Variants in SPTAN1 observed in about 807,000 individuals in gnomAD.
The protein encoded by SPTAN1 is spectrin alpha chain, non-erythrocytic 1.
In SPTAN1, 61 loss-of-function variants were observed where a neutral mutation model predicts 331.3. That is an observed-to-expected ratio of 0.18 (90% confidence interval 0.15 to 0.23). SPTAN1 has a LOEUF of 0.23. Among genes scored for constraint, SPTAN1 ranks in the 10% least tolerant of loss-of-function variants. SPTAN1 has a pLI of 1.00. For synonymous variants in SPTAN1, 1,153 were observed against 1,173.9 expected (o/e 0.98, Z 0.36); for missense variants, 2,043 against 3,147.9 (o/e 0.65, Z 8.40).
At chr9:128,613,523 G>T in intron 40 of SPTAN1, 38 bp downstream of exon 40, 1 of 1,526,994 alleles carries the variant, frequency 6.5e-7, no homozygotes, top group Admixed American at 1.7e-5. Flanking sequence ...GAGTGCCTGG[G>T]ACACAGCTCT....
intron 45 of SPTAN1, among the ~76,000 whole-genome samples, chr9:128,624,031 C>T (rs1244886675): frequency 2.2e-5 from 3 of 138,890 alleles, no homozygotes; most frequent in East Asian, 2.1e-4. Flanking sequence ...TGCAGTGAGC[C>T]GAGATCACGC....
chr9:128,599,882 C>A lies in SPTAN1; in HGVS notation c.3544-198C>A. 14 of 621,382 alleles carry A rather than the reference C, an allele frequency of 2.3e-5. 1 individual carries two copies. In the South Asian group the frequency reaches 2.8e-4, roughly 12 times the overall value. The allele number at this position is 621,382 out of a possible 1,614,324, so 38.5% of individuals were successfully genotyped here. Reference sequence around the variant, plus strand: ...AAAAAAATTGGAATTTTTCTCTCCCCTGTTTGTTGGCTTAATTTTTCTTAA... The same window carrying A: ...AAAAAAATTGGAATTTTTCTCTCCCATGTTTGTTGGCTTAATTTTTCTTAA... On this transcript the variant is annotated intron_variant, in intron 26 of 56. Coordinates refer to ENST00000372739, the MANE Select transcript of SPTAN1 (RefSeq NM_001130438.3).
chr9:128,628,283 C>T (rs1049625201), intron 51 of SPTAN1: 4 of 441,270 alleles, frequency 9.1e-6, no homozygotes, highest in South Asian at 3.8e-5. Flanking sequence ...CCACCGGGCT[C>T]TGTTGGGCTC....
intron 1 of SPTAN1, among the ~76,000 whole-genome samples, chr9:128,556,587 C>G (rs1848663351): frequency 6.6e-6 from 1 of 152,168 alleles, no homozygotes; most frequent in Non-Finnish European, 1.5e-5. Flanking sequence ...CTCAATATTG[C>G]TCTGCATTTC....
intron 21 of SPTAN1, among the ~76,000 whole-genome samples, chr9:128,590,439 C>T (rs1853317812): frequency 6.6e-6 from 1 of 151,482 alleles, no homozygotes. Flanking sequence ...CATGGTGGCT[C>T]ACGCCTGTAG....
rs587784433 is a variant in SPTAN1 at position 128,583,840 on chromosome 9, G to A, written c.2064G>A (p.Glu688=). The change falls in exon 16 of 57, where the codon GAG becomes GAA. Residue 688 remains glutamate, a synonymous_variant. Coordinates refer to ENST00000372739, the MANE Select transcript of SPTAN1 (RefSeq NM_001130438.3). ...NQQQQFNRNV[E]DIELWLYEVE... ...AACAGCAATTTAATCGCAATGTTGA[G>A]GATATTGAATTGTGGCTATATGAAG... 4 of 1,614,192 alleles carry A rather than the reference G, an allele frequency of 2.5e-6. No individual in the cohort carries two copies. Among genetic ancestry groups the A allele is most frequent in the Admixed American group, 1.7e-5 (1 of 60,030 alleles).
chr9:128,585,037 CGG>C (rs1266864153), intron 18 of SPTAN1, among the ~76,000 whole-genome samples, 194 bp downstream of exon 18: 9 of 137,766 alleles, frequency 6.5e-5, no homozygotes, highest in Non-Finnish European at 1.2e-4. Flanking sequence ...TTTTTTGAGA[CGG>C]GGTCTCACTC....
In SPTAN1 at chr9:128,611,829, G is replaced by A; in HGVS notation, c.4889G>A (p.Ser1630Asn). 6.2e-7 allele frequency: 1 copy of A among 1,614,200 alleles called. No homozygotes were observed. The highest frequency in any genetic ancestry group is 8.5e-7 in the Non-Finnish European group (1 of 1,180,050). The stretch of plus-strand genomic sequence containing the variant: ...ATTGAACGTGGAGCCTGTGCCGGCA[G>A]TGAGGATGCTGTCAAGGTATGGCCC... ...SLIERGACAG[S>N]EDAVKARLAA... Residue 1630 changes from serine to asparagine, a missense_variant, in exon 38 of 57, where the codon AGT (serine) becomes AAT (asparagine). Coordinates refer to ENST00000372739, the MANE Select transcript of SPTAN1 (RefSeq NM_001130438.3).
chr9:128,613,525 C>A, intron 40 of SPTAN1, 40 bp downstream of exon 40: 1 of 1,516,554 alleles, frequency 6.6e-7, no homozygotes, highest in Non-Finnish European at 9.2e-7. Context: ...GTGCCTGGGA[C>A]ACAGCTCTGC....
chr9:128,630,475 C>T (rs58097104), intron 52 of SPTAN1, 100 bp downstream of exon 52: 2 of 1,175,152 alleles, frequency 1.7e-6, no homozygotes, highest in Non-Finnish European at 2.5e-6. Flanking sequence ...ACCAGATGTG[C>T]TATTATTGTA....
chr9:128,608,963 T>A lies in SPTAN1; in HGVS notation c.4581T>A (p.Asn1527Lys). The change falls in exon 35 of 57, where the codon AAT (asparagine) becomes AAA (lysine). Residue 1527 changes from asparagine to lysine, a missense_variant. By Grantham distance (94) the Asn-to-Lys change is moderately conservative (BLOSUM62 0). Transcript: ENST00000372739. ...AGGGAGACATTTCTAGCCGGCGCAATGAGGTCTTGGACAGGTGGGTGTCCT... is the reference window on the plus strand; with the variant it reads ...AGGGAGACATTTCTAGCCGGCGCAAAGAGGTCTTGGACAGGTGGGTGTCCT... ...YAKGDISSRR[N>K]EVLDRWRRLK... is the part of the protein sequence containing the mutation. 1 of 1,614,186 alleles carries A rather than the reference T, an allele frequency of 6.2e-7. No individual in the cohort carries two copies. Among genetic ancestry groups the A allele is most frequent in the Non-Finnish European group, 8.5e-7 (1 of 1,180,022 alleles).
intron 1 of SPTAN1, among the ~76,000 whole-genome samples, chr9:128,555,004 C>A (rs1009742329): frequency 6.6e-6 from 1 of 152,132 alleles, no homozygotes; most frequent in Non-Finnish European, 1.5e-5. Flanking sequence ...ATCATCTTGT[C>A]CTGGGATCCT....
chr9:128,578,523 CT>C (rs1428023047), intron 9 of SPTAN1, among the ~76,000 whole-genome samples: 3 of 152,114 alleles, frequency 2.0e-5, no homozygotes, highest in African/African-American at 4.8e-5. Flanking sequence ...CACATTGATC[CT>C]TTGTGATGTA....
intron 37 of SPTAN1, among the ~76,000 whole-genome samples, chr9:128,611,290 C>T (rs949373409): frequency 7.9e-5 from 12 of 152,032 alleles, no homozygotes; most frequent in Admixed American, 5.2e-4. Context: ...GGCAACATGG[C>T]GAAACCCCAT....
chr9:128,582,464 T>TA lies in SPTAN1; in HGVS notation c.1573-14dup, dbSNP rs752851473. 1 of 1,613,654 alleles carries TA rather than the reference T, an allele frequency of 6.2e-7. No individual in the cohort carries two copies. Among genetic ancestry groups the TA allele is most frequent in the Non-Finnish European group, 8.5e-7 (1 of 1,179,568 alleles). On this transcript the variant is annotated splice_polypyrimidine_tract_variant and intron_variant, in intron 12 of 56. Coordinates refer to ENST00000372739, the MANE Select transcript of SPTAN1 (RefSeq NM_001130438.3). ...AGTGTGCTTACCAATGAAGAACTCT[T>TA]ATCTTCCTTCCTAGGCATTAGATGA...
intron 36 of SPTAN1, 128 bp from the exon 37 acceptor site, chr9:128,609,523 C>T: frequency 2.1e-6 from 2 of 954,132 alleles, no homozygotes; most frequent in Non-Finnish European, 1.6e-6. Flanking sequence ...TAGAATCCCC[C>T]TTCTATTACT....
chr9:128,562,982 ACATGTATGTG>A (rs1405016198), intron 1 of SPTAN1, among the ~76,000 whole-genome samples: 3 of 33,536 alleles, frequency 8.9e-5, no homozygotes, highest in East Asian at 2.7e-3. Context: ...ATATATATAT[ACATGTATGTG>A]TATATATATA....
At position 128,633,192 on chromosome 9, in the gene SPTAN1, C is replaced by T. The variant is rs1860104765; in HGVS notation, c.7309-17C>T. ...TGCAGCTGGCTCAGGCACCAGGTGC[C>T]ATCTCTTACCCCACAGAACCTGACC... On this transcript the variant is annotated splice_polypyrimidine_tract_variant and intron_variant, in intron 56 of 56. Transcript: ENST00000372739. 1.2e-6 allele frequency: 2 copies of T among 1,613,780 alleles called. No individual in the cohort carries two copies. Among genetic ancestry groups the T allele is most frequent in the Admixed American group, 3.3e-5 (2 of 59,996 alleles).
At chr9:128,564,357 T>G (rs1172439415) in intron 1 of SPTAN1, among the ~76,000 whole-genome samples, 7 of 151,542 alleles carry the variant, frequency 4.6e-5, no homozygotes, top group Non-Finnish European at 2.9e-5. Flanking sequence ...ATGCAGAGGT[T>G]TCAATGAGCC....
Sources: allele counts gnomAD v4.1 joint callset (sites outside exome capture counted in the v4.1 genomes callset), GRCh38; gene constraint gnomAD v4.1.1; transcripts MANE v1.5; gene names NCBI Gene and HGNC (gene_info 2026-07-23, HGNC 2026-07-21).